Variants in HNRNPUL1 observed in about 807,000 individuals in gnomAD.
The protein encoded by HNRNPUL1 is heterogeneous nuclear ribonucleoprotein U-like protein 1.
A neutral mutation model predicts 108.5 loss-of-function variants in HNRNPUL1; 14 were observed. The ratio of observed to expected loss-of-function variants is 0.13; its 90% CI spans 0.09 to 0.20. HNRNPUL1 has a LOEUF of 0.20. HNRNPUL1 is among the 10% of genes least tolerant of loss of function. The pLI is 1.00. For synonymous variants in HNRNPUL1, 422 were observed against 445.2 expected, an observed-to-expected ratio of 0.95 and a Z score of 0.66; for missense variants, 804 against 1,168.3, an observed-to-expected ratio of 0.69 and a Z score of 4.55.
intron 7 of HNRNPUL1, among the ~76,000 whole-genome samples, chr19:41,284,995 CA>C (rs773865440): frequency 0.014 from 841 of 61,470 alleles, 2 homozygotes; most frequent in African/African-American, 0.036. Flanking sequence ...GACTCTGTCT[CA>C]AAAAAAAAAA....
chr19:41,296,341 C>T (rs148131273), intron 10 of HNRNPUL1, among the ~76,000 whole-genome samples: 86 of 152,328 alleles, frequency 5.6e-4, no homozygotes, highest in African/African-American at 1.9e-3. Flanking sequence ...TGTTCAGGGA[C>T]AGGGTCTAGG....
intron 6 of HNRNPUL1, chr19:41,280,882 T>A (rs1232748831): frequency 2.9e-6 from 1 of 345,486 alleles, no homozygotes; most frequent in Non-Finnish European, 5.6e-6. Flanking sequence ...CCAACTCCTG[T>A]CTTCCTTCCT....
In HNRNPUL1 at chr19:41,294,103, G is replaced by A. The variant is rs143230050; in HGVS notation, c.1267-235G>A. 5.9e-5 allele frequency among the ~76,000 whole-genome samples: 9 copies of A among 152,064 alleles called. No individual in the cohort carries two copies. Among genetic ancestry groups the A allele is most frequent in the African/African-American group, 1.7e-4 (7 of 41,516 alleles). On this transcript the variant is annotated intron_variant, in intron 8 of 14. Transcript: ENST00000392006. This position sits in a 1 kb window ranked among gnomAD's most constrained non-coding sequence, Gnocchi z 4.3. The stretch of plus-strand genomic sequence containing the variant: ...CCTGGGATTATAGGCGTGAGCTACC[G>A]TGCCTGGCCAGCACTTGACTTAATG...
chr19:41,264,357 G>T (rs942916013), upstream of HNRNPUL1: 2 of 573,960 alleles, frequency 3.5e-6, no homozygotes, highest in African/African-American at 1.9e-5. Flanking sequence ...GAGGGGGGAG[G>T]CGGTGGCGGC....
At chr19:41,264,167 C>T (rs1201189539), upstream of HNRNPUL1, among the ~76,000 whole-genome samples, 1 of 152,252 alleles carries the variant, frequency 6.6e-6, no homozygotes, top group African/African-American at 2.4e-5. Flanking sequence ...TGCCTTTTCC[C>T]GCCCTCCGCT....
intron 7 of HNRNPUL1, chr19:41,286,378 CAT>C (rs1247275952): frequency 3.9e-5 from 6 of 152,116 alleles, no homozygotes; most frequent in African/African-American, 1.4e-4. Context: ...TTGCATACAT[CAT>C]GTCTTCATTA....
At chr19:41,288,203 T>C (rs957586408) in intron 7 of HNRNPUL1, among the ~76,000 whole-genome samples, 2 of 82,988 alleles carry the variant, frequency 2.4e-5, no homozygotes, top group Non-Finnish European at 5.2e-5. Context: ...GGGTTTCATC[T>C]TTTTTTTTTT....
chr19:41,301,741 A>C, intron 11 of HNRNPUL1, 37 bp downstream of exon 11: 1 of 1,538,216 alleles, frequency 6.5e-7, no homozygotes, highest in South Asian at 1.2e-5. Flanking sequence ...ACGTCAATGC[A>C]GGGTCCTGGA....
At chr19:41,299,515 G>A (rs1000423274) in intron 10 of HNRNPUL1, among the ~76,000 whole-genome samples, 1 of 152,218 alleles carries the variant, frequency 6.6e-6, no homozygotes, top group Non-Finnish European at 1.5e-5. Context: ...CTCCTGGATA[G>A]TCAGTCCTGT....
Position 41,276,396 on chromosome 19 carries a change from A to G in HNRNPUL1, c.786+98A>G, listed in dbSNP as rs773776201. The G allele has an allele frequency of 2.9e-5, 39 of 1,363,708 alleles. 1 individual carries two copies. The South Asian group carries it at 4.5e-4, about 16-fold the overall frequency. 84.5% of individuals were successfully genotyped at this position (1,363,708 alleles called of 1,614,324 possible). On this transcript the variant is annotated intron_variant, in intron 5 of 14. Transcript: ENST00000392006. Reference sequence around the variant, plus strand: ...GGTCAGAGCTGCAACTGCAAAAGAGATTGGATTGTGCAATACCATGTCCAA... The same window carrying G: ...GGTCAGAGCTGCAACTGCAAAAGAGGTTGGATTGTGCAATACCATGTCCAA...
chr19:41,280,893 C>G, intron 6 of HNRNPUL1: 1 of 362,466 alleles, frequency 2.8e-6, no homozygotes, highest in Non-Finnish European at 5.2e-6. Flanking sequence ...CTTCCTTCCT[C>G]CCTTTCTTTT....
intron 7 of HNRNPUL1, among the ~76,000 whole-genome samples, chr19:41,281,516 T>C (rs759282137): frequency 6.6e-6 from 1 of 151,976 alleles, no homozygotes; most frequent in Non-Finnish European, 1.5e-5. Flanking sequence ...GGACTTCAGG[T>C]GTGCATAGCC....
chr19:41,298,476 G>C (rs1002208776), intron 10 of HNRNPUL1: 4 of 152,262 alleles, frequency 2.6e-5, no homozygotes. Flanking sequence ...GGCTGGCCCA[G>C]GGGCTGTGAC....
In HNRNPUL1 at chr19:41,302,917, G is replaced by A. The variant is rs757076533; in HGVS notation, c.1940G>A (p.Gly647Glu). ...CGTGGCGGCTTCCAGAACCGAGGGG[G>A]AGGCAGCGGTGGAGGAGGCAACTAC... Reference protein sequence around the residue: ...GNRGGFQNRGGGSGGGGNYRG... With the variant: ...GNRGGFQNRGEGSGGGGNYRG... Residue 647 changes from glycine to glutamate, a missense_variant, in exon 12 of 15, where the codon GGA becomes GAA. Gly to Glu is a moderately conservative substitution (Grantham distance 98). Around this residue, in one of 4 missense-constraint regions of HNRNPUL1, gnomAD observed 294 missense variants for 388.3 expected, o/e 0.76. Transcript: ENST00000392006. 2.0e-6 allele frequency: 3 copies of A among 1,531,428 alleles called. No homozygotes were observed. Among genetic ancestry groups the A allele is most frequent in the Admixed American group, 2.1e-5 (1 of 46,764 alleles). 94.9% of individuals were successfully genotyped at this position (1,531,428 alleles called of 1,614,324 possible).
intron 13 of HNRNPUL1, among the ~76,000 whole-genome samples, 189 bp downstream of exon 13, chr19:41,304,450 A>G (rs958177094): frequency 2.6e-5 from 4 of 152,074 alleles, no homozygotes; most frequent in African/African-American, 9.7e-5. Context: ...ACATTCCCAG[A>G]TCCCCTCCAA....
chr19:41,282,684 C>CT (rs1343383218), intron 7 of HNRNPUL1, among the ~76,000 whole-genome samples: 1 of 150,272 alleles, frequency 6.7e-6, no homozygotes, highest in Non-Finnish European at 1.5e-5. Flanking sequence ...ATATTTTTTT[C>CT]TTTTTTTCTT....
chr19:41,272,641 A>G (rs1379150151), intron 3 of HNRNPUL1, among the ~76,000 whole-genome samples: 2 of 152,218 alleles, frequency 1.3e-5, no homozygotes, highest in African/African-American at 4.8e-5. Flanking sequence ...GCTGTCACGA[A>G]GTGCCCACTC....
chr19:41,286,705 CTCTT>C (rs1362533343), intron 7 of HNRNPUL1: 1 of 123,928 alleles, frequency 8.1e-6, no homozygotes, highest in Non-Finnish European at 1.6e-5. Context: ...TCGGTGTGTA[CTCTT>C]TTTTTTTTTT....
Position 41,301,592 on chromosome 19 carries a change from G to T in HNRNPUL1, c.1575G>T (p.Gln525His), listed in dbSNP as rs757432264. 1.9e-6 allele frequency: 3 copies of T among 1,614,206 alleles called. No homozygotes were observed. Among genetic ancestry groups the T allele is most frequent in the Admixed American group, 3.3e-5 (2 of 60,028 alleles). The change falls in exon 11 of 15, where the codon CAG becomes CAT. Residue 525 changes from glutamine (Q) to histidine (H), a missense_variant. Gln to His is a conservative substitution (Grantham distance 24, BLOSUM62 0). This residue lies in a region of HNRNPUL1 where 80 missense variants were observed against 221.8 expected (regional missense o/e 0.36). Transcript: ENST00000392006. ...AAATGAGACCATTTGAAGGCTTCCA[G>T]CGCAAAGCTATTGTAATTTGTCCCA... ...RRKMRPFEGF[Q>H]RKAIVICPTD...
Sources: allele counts gnomAD v4.1 joint callset (sites outside exome capture counted in the v4.1 genomes callset), GRCh38; gene constraint gnomAD v4.1.1; regional missense constraint gnomAD v4.1.1; non-coding constraint Gnocchi (gnomAD v3.1); transcripts MANE v1.5; gene names NCBI Gene and HGNC (gene_info 2026-07-23, HGNC 2026-07-21).